DLG2: variants seen among roughly 807,000 people sequenced by gnomAD.
The protein encoded by DLG2 is disks large homolog 2.
DLG2 carries 45 observed loss-of-function variants against 132.5 expected under a neutral mutation model. The ratio of observed to expected loss-of-function variants is 0.34; its 90% CI spans 0.27 to 0.44. DLG2 has a LOEUF of 0.44. DLG2 is among the 20% of genes least tolerant of loss of function. The pLI is 1.00. For synonymous variants in DLG2, 424 were observed against 419.6 expected (o/e 1.01, Z -0.13); for missense variants, 1,045 against 1,196.9 (o/e 0.87, Z 1.87).
intron 26 of DLG2, among the ~76,000 whole-genome samples, chr11:83,464,995 A>G (rs2090753017): frequency 6.6e-6 from 1 of 152,186 alleles, no homozygotes; most frequent in Admixed American, 6.5e-5. Context: ...ACTTTGTGCA[A>G]TGCCCGACAT....
At chr11:83,824,670 C>A (rs1212895463) in intron 17 of DLG2, among the ~76,000 whole-genome samples, 2 of 152,158 alleles carry the variant, frequency 1.3e-5, no homozygotes, top group Non-Finnish European at 2.9e-5. Flanking sequence ...CTTCTCAGAT[C>A]TTTCATTGAA....
chr11:85,088,358 A>G (rs1486871850), intron 6 of DLG2, among the ~76,000 whole-genome samples: 1 of 152,236 alleles, frequency 6.6e-6, no homozygotes, highest in Non-Finnish European at 1.5e-5. Flanking sequence ...TTTTATTTTA[A>G]GAGCCTCTAC....
At chr11:85,181,250 A>G (rs1011157252) in intron 4 of DLG2, among the ~76,000 whole-genome samples, 6 of 151,386 alleles carry the variant, frequency 4.0e-5, no homozygotes, top group Non-Finnish European at 5.9e-5. Flanking sequence ...ATATATGTGT[A>G]TATATGTGTA....
chr11:84,265,601 C>T (rs892570078), intron 7 of DLG2, among the ~76,000 whole-genome samples: 1 of 152,076 alleles, frequency 6.6e-6, no homozygotes, highest in Non-Finnish European at 1.5e-5. Flanking sequence ...TGATAAAACT[C>T]GTCTTGCCTA....
intron 21 of DLG2, among the ~76,000 whole-genome samples, chr11:83,505,239 C>T (rs1209435580): frequency 1.3e-5 from 2 of 152,168 alleles, no homozygotes; most frequent in Admixed American, 6.5e-5. Context: ...GCTGATCACC[C>T]TGAGGAATGG....
At chr11:85,352,786 G>A (rs981936952) in intron 3 of DLG2, among the ~76,000 whole-genome samples, 2 of 152,190 alleles carry the variant, frequency 1.3e-5, no homozygotes, top group South Asian at 4.1e-4. Flanking sequence ...CTAGCCATAT[G>A]TAGAAAGCTG....
chr11:85,131,882 T>C (rs1479201588), intron 5 of DLG2, among the ~76,000 whole-genome samples: 3 of 152,174 alleles, frequency 2.0e-5, no homozygotes, highest in Non-Finnish European at 4.4e-5. Flanking sequence ...TTATGTTTAA[T>C]AGTCATCTAA....
intron 16 of DLG2, among the ~76,000 whole-genome samples, chr11:83,858,799 G>A (rs1433740577): frequency 6.6e-6 from 1 of 152,176 alleles, no homozygotes; most frequent in African/African-American, 2.4e-5. Flanking sequence ...GATGTCAAGG[G>A]TGACAGGTAC....
intron 5 of DLG2, among the ~76,000 whole-genome samples, chr11:85,142,152 T>C (rs77303229): frequency 0.012 from 1,759 of 151,990 alleles, 29 homozygotes; most frequent in African/African-American, 0.039. Flanking sequence ...TTCAGCAGTA[T>C]GAACACTTTA....
At chr11:84,822,637 G>A (rs2077832679) in intron 6 of DLG2, among the ~76,000 whole-genome samples, 1 of 151,884 alleles carries the variant, frequency 6.6e-6, no homozygotes, top group South Asian at 2.1e-4. Context: ...AAAGAACTAT[G>A]TTTCTCTCTT....
chr11:83,741,808 A>G (rs2092536768), intron 18 of DLG2, among the ~76,000 whole-genome samples: 1 of 151,954 alleles, frequency 6.6e-6, no homozygotes, highest in Non-Finnish European at 1.5e-5. Flanking sequence ...GGAGAAAGAG[A>G]CCATCCTGGT....
chr11:83,659,926 C>T (rs1159649720), intron 18 of DLG2, among the ~76,000 whole-genome samples: 1 of 152,126 alleles, frequency 6.6e-6, no homozygotes, highest in Admixed American at 6.6e-5. Flanking sequence ...CCTCAGAGTG[C>T]CTATCTCAAT....
intron 7 of DLG2, among the ~76,000 whole-genome samples, chr11:84,463,269 T>C (rs891198393): frequency 7.9e-5 from 12 of 151,196 alleles, no homozygotes; most frequent in African/African-American, 2.9e-4. Context: ...TCATGGGATG[T>C]ATCCTCTGAG....
rs886112348 is a variant in DLG2 at position 84,518,241 on chromosome 11, C to T, written c.519+16329G>A. ...GTTTAATAGGCTACTACAGATATCA[C>T]ACACTGATCTTTTTGCAATGAAGAA... On this transcript the variant is annotated intron_variant, in intron 7 of 27. Transcript: ENST00000376104. 4.4e-5 allele frequency among the ~76,000 whole-genome samples: 4 copies of T among 90,144 alleles called. No homozygotes were observed. The East Asian group carries it at 7.7e-4, about 17-fold the overall frequency. The allele number at this position is 90,144 out of a possible 152,430, so 59.1% of individuals were successfully genotyped here. A position where few individuals can be genotyped will look rare whatever the true frequency, so the allele number is the denominator to read the frequency against.
intron 4 of DLG2, among the ~76,000 whole-genome samples, chr11:85,158,671 T>C (rs1388195578): frequency 6.6e-6 from 1 of 152,060 alleles, no homozygotes; most frequent in Non-Finnish European, 1.5e-5. Flanking sequence ...GATCCCGAGG[T>C]GGCAGGGGCC....
intron 6 of DLG2, among the ~76,000 whole-genome samples, chr11:84,986,567 T>C (rs1242996692): frequency 6.6e-6 from 1 of 152,146 alleles, no homozygotes; most frequent in Non-Finnish European, 1.5e-5. Flanking sequence ...ATCAAAAAGA[T>C]AATCCACCAT....
intron 6 of DLG2, among the ~76,000 whole-genome samples, chr11:85,078,493 A>G (rs1479696549): frequency 6.6e-6 from 1 of 151,958 alleles, no homozygotes; most frequent in African/African-American, 2.4e-5. Flanking sequence ...GTAGTAAGAC[A>G]TATAGAAGGG....
intron 19 of DLG2, among the ~76,000 whole-genome samples, chr11:83,555,210 A>G (rs186017868): frequency 3.9e-5 from 6 of 152,350 alleles, no homozygotes; most frequent in Non-Finnish European, 7.3e-5. Flanking sequence ...AAGAAGATCA[A>G]TGTCTGGGAT....
chr11:84,395,890 T>C lies in DLG2; in HGVS notation c.519+138680A>G, dbSNP rs181633085. Reference sequence around the variant, plus strand: ...TGGTCCAAGAAACATAGTCCACTATTTGTCAGAAACAGAAGTCCTTGTTTT... The same window carrying C: ...TGGTCCAAGAAACATAGTCCACTATCTGTCAGAAACAGAAGTCCTTGTTTT... On this transcript the variant is annotated intron_variant, in intron 7 of 27. Coordinates refer to ENST00000376104, the MANE Select transcript of DLG2 (RefSeq NM_001142699.3). Among the ~76,000 whole-genome samples the C allele has an allele frequency of 4.5e-3, 683 of 152,338 alleles. 15 individuals are homozygous for C. The highest frequency in any genetic ancestry group is 6.8e-4 in the Non-Finnish European group (46 of 68,034).
Sources: gnomAD v4.1 joint callset for allele counts (sites outside exome capture counted in the v4.1 genomes callset) on GRCh38, gnomAD v4.1.1 for gene constraint, MANE v1.5 for transcripts, NCBI Gene and HGNC (gene_info 2026-07-23, HGNC 2026-07-21) for gene names.